SND1: variants seen among roughly 807,000 people sequenced by gnomAD.
SND1 encodes staphylococcal nuclease domain-containing protein 1.
In SND1, 38 loss-of-function variants were observed where a neutral mutation model predicts 121.7. The observed-to-expected ratio is 0.31, with a 90% confidence interval of 0.24 to 0.41. The LOEUF is 0.41. Among genes scored for constraint, SND1 ranks in the 10% least tolerant of loss-of-function variants. The pLI, the probability that SND1 is intolerant of heterozygous loss-of-function variation, is 1.00. For missense variants in SND1, 868 were observed against 1,184.6 expected, an observed-to-expected ratio of 0.73 and a Z score of 3.92; for synonymous variants, 401 against 447.4, an observed-to-expected ratio of 0.90 and a Z score of 1.31.
rs371937541 is a variant in SND1, at chr7:127,694,148, TAGA to T, written c.229-673_229-671del. 9.5e-4 allele frequency among the ~76,000 whole-genome samples: 145 copies of T among 152,272 alleles called. 1 individual carries two copies. The highest frequency in any genetic ancestry group is 3.4e-3 in the Middle Eastern group (1 of 294). ...TAAAGGCTTCAGACTAGAGCAGAAG[TAGA>T]AGAAGAGCCATTTTGGGGGATATCT... is the stretch of plus-strand genomic sequence containing the variant. On this transcript the variant is annotated intron_variant, in intron 2 of 23. Transcript: ENST00000354725.
In SND1 at chr7:127,771,957, C is replaced by T. The variant is rs543745515; in HGVS notation, c.1153-35527C>T. ...GATGTGTGTTATTCACTGTTCATCA[C>T]TGGTACTTTCCTATCCATCAGATAA... On this transcript the variant is annotated intron_variant, in intron 10 of 23. Coordinates refer to ENST00000354725, the MANE Select transcript of SND1 (RefSeq NM_014390.4). Among the ~76,000 whole-genome samples the T allele has an allele frequency of 9.9e-5, 15 of 152,238 alleles. 1 individual carries two copies. In the South Asian group the frequency reaches 3.1e-3, roughly 32 times the overall value.
chr7:127,904,689 C>T, intron 13 of SND1, 58 bp from the exon 14 acceptor site: 2 of 1,203,208 alleles, frequency 1.7e-6, no homozygotes, highest in Admixed American at 3.4e-5. Flanking sequence ...TTTGCACCCT[C>T]CTACCCCTTC....
At chr7:127,947,592 G>A (rs537475828) in intron 15 of SND1, among the ~76,000 whole-genome samples, 2 of 152,242 alleles carry the variant, frequency 1.3e-5, no homozygotes, top group African/African-American at 4.8e-5. Context: ...TTCCCAAGAC[G>A]CCAGCTACAG....
At chr7:127,913,644 AT>A (rs1368913764) in intron 14 of SND1, among the ~76,000 whole-genome samples, 3 of 152,150 alleles carry the variant, frequency 2.0e-5, no homozygotes, top group South Asian at 2.1e-4. Flanking sequence ...TTGTAAGTAT[AT>A]TTTGGCAGCA....
chr7:128,065,715 G>A (rs1355604376), intron 16 of SND1, among the ~76,000 whole-genome samples: 1 of 152,216 alleles, frequency 6.6e-6, no homozygotes, highest in African/African-American at 2.4e-5. Flanking sequence ...GGCCACTGCT[G>A]CTGACTCCAT....
At chr7:127,723,359 C>T (rs984870242) in intron 10 of SND1, among the ~76,000 whole-genome samples, 2 of 151,192 alleles carry the variant, frequency 1.3e-5, no homozygotes, top group African/African-American at 4.8e-5. Flanking sequence ...TCTTACAAGG[C>T]GTGTTACCTC....
chr7:127,779,485 C>T (rs1362938699), intron 10 of SND1, among the ~76,000 whole-genome samples: 1 of 152,228 alleles, frequency 6.6e-6, no homozygotes, highest in South Asian at 2.1e-4. Flanking sequence ...TTCGTAGAGA[C>T]AATGGCCATA....
chr7:128,062,840 G>A (rs1179587135), intron 16 of SND1, among the ~76,000 whole-genome samples: 1 of 152,162 alleles, frequency 6.6e-6, no homozygotes, highest in East Asian at 1.9e-4. Flanking sequence ...CCCAATCTAA[G>A]CCCCGGATTC....
At position 128,085,101 on chromosome 7, in the gene SND1, T is replaced by TGCTG. The variant is rs1019775638; in HGVS notation, c.2234+269_2234+272dup. Among the ~76,000 whole-genome samples, 11 of 152,200 alleles carry TGCTG rather than the reference T, an allele frequency of 7.2e-5. No homozygotes were observed. Among genetic ancestry groups the TGCTG allele is most frequent in the Admixed American group, 2.0e-4 (3 of 15,306 alleles). On this transcript the variant is annotated intron_variant, in intron 19 of 23. Coordinates refer to ENST00000354725, the MANE Select transcript of SND1 (RefSeq NM_014390.4). The surrounding 1 kb of genome is among the most constrained non-coding windows in gnomAD (Gnocchi z 4.4). ...TGGGGGATTCCAGGGTGGGAGCCCT[T>TGCTG]GCTGGCTGGCTGGCTGGCCGGCCGG...
At chr7:127,731,566 A>G (rs1796676645) in intron 10 of SND1, among the ~76,000 whole-genome samples, 1 of 151,942 alleles carries the variant, frequency 6.6e-6, no homozygotes, top group Admixed American at 6.5e-5. Flanking sequence ...TTTTGGCTTT[A>G]CCTTCCTTCC....
Position 127,922,175 on chromosome 7 carries a change from C to CTTTTTTTTTTTTTTTTTTT in SND1, c.1528-7003_1528-6985dup, listed in dbSNP as rs1158535023. Among the ~76,000 whole-genome samples, 132 of 57,194 alleles carry CTTTTTTTTTTTTTTTTTTT rather than the reference C, an allele frequency of 2.3e-3. 9 individuals are homozygous for CTTTTTTTTTTTTTTTTTTT. The highest frequency in any genetic ancestry group is 3.2e-3 in the Admixed American group (11 of 3,470). The allele number at this position is 57,194 out of a possible 152,430, so 37.5% of individuals were successfully genotyped here. ...CCAGCTGATTTTCTTTTTTTCTTTC[C>CTTTTTTTTTTTTTTTTTTT]TTTTTTTTTTTTTTTTTTTTTTTTT... is the stretch of plus-strand genomic sequence containing the variant. On this transcript the variant is annotated intron_variant, in intron 14 of 23. Coordinates refer to ENST00000354725, the MANE Select transcript of SND1 (RefSeq NM_014390.4).
At chr7:127,714,582 A>G (rs1198124101) in intron 9 of SND1, among the ~76,000 whole-genome samples, 15 of 152,198 alleles carry the variant, frequency 9.9e-5, no homozygotes, top group Non-Finnish European at 1.8e-4. Flanking sequence ...TCACCACCAC[A>G]TATCTCTACA....
At chr7:128,064,729 G>A (rs1436138874) in intron 16 of SND1, among the ~76,000 whole-genome samples, 1 of 152,088 alleles carries the variant, frequency 6.6e-6, no homozygotes, top group Non-Finnish European at 1.5e-5. Context: ...TAGCCCCTGG[G>A]GAACGTTCAT....
At chr7:127,765,815 TC>T (rs1219393000) in intron 10 of SND1, among the ~76,000 whole-genome samples, 1 of 152,210 alleles carries the variant, frequency 6.6e-6, no homozygotes, top group African/African-American at 2.4e-5. Flanking sequence ...TTTGCAGCAC[TC>T]CCACACCTAT....
intron 15 of SND1, among the ~76,000 whole-genome samples, chr7:127,980,816 G>C (rs1248045345): frequency 6.6e-6 from 1 of 152,172 alleles, no homozygotes; most frequent in Non-Finnish European, 1.5e-5. Flanking sequence ...AGACTTGCAA[G>C]ATCCATAGGG....
chr7:127,914,320 T>C (rs1800523072), intron 14 of SND1, among the ~76,000 whole-genome samples: 2 of 152,152 alleles, frequency 1.3e-5, no homozygotes, highest in African/African-American at 4.8e-5. Context: ...TGAATCACAT[T>C]TCTTCTTTTT....
At chr7:127,858,151 T>C (rs1799316261) in intron 12 of SND1, 2 of 836,170 alleles carry the variant, frequency 2.4e-6, no homozygotes, top group Non-Finnish European at 4.2e-6. Flanking sequence ...GGGTGTGGGA[T>C]TGTGGGGTCC....
At chr7:127,852,996 C>T (rs1287435315) in intron 12 of SND1, among the ~76,000 whole-genome samples, 2 of 150,970 alleles carry the variant, frequency 1.3e-5, no homozygotes, top group Non-Finnish European at 2.9e-5. Flanking sequence ...CATTTCTCTG[C>T]AGTTACGTAG....
At chr7:127,688,387 C>G (rs977639092) in intron 2 of SND1, among the ~76,000 whole-genome samples, 4 of 151,814 alleles carry the variant, frequency 2.6e-5, no homozygotes, top group Non-Finnish European at 4.4e-5. Flanking sequence ...GCTTTGCTGT[C>G]CTTTAGCAGT....
Sources: gnomAD v4.1 joint callset for allele counts (sites outside exome capture counted in the v4.1 genomes callset) on GRCh38, gnomAD v4.1.1 for gene constraint, Gnocchi (gnomAD v3.1) non-coding constraint, MANE v1.5 for transcripts, NCBI Gene and HGNC (gene_info 2026-07-23, HGNC 2026-07-21) for gene names.